CIMAP1D: variants seen among roughly 807,000 people sequenced by gnomAD.
CIMAP1D encodes CIMAP1 family member D, also known as protein CIMAP1D.
chr19:489,280 G>A, the CIMAP1D span: 1 of 151,730 alleles, frequency 6.6e-6, no homozygotes, highest in Non-Finnish European at 1.5e-5. Context: ...GGCCCCGACC[G>A]GGACCCCCTA....
At chr19:466,946 G>T in the CIMAP1D span, among the ~76,000 whole-genome samples, 113 of 54,854 alleles carry the variant, frequency 2.1e-3, 2 homozygotes, top group African/African-American at 0.011. Flanking sequence ...GGGTGGATGG[G>T]CGGGTGGATA....
chr19:482,182 T>C, the CIMAP1D span, among the ~76,000 whole-genome samples: 1 of 152,236 alleles, frequency 6.6e-6, no homozygotes, highest in Admixed American at 6.5e-5. Flanking sequence ...CATTTCTGCA[T>C]ATGAACATTA....
the CIMAP1D span, among the ~76,000 whole-genome samples, chr19:485,138 A>C: frequency 0.15 from 20,632 of 135,682 alleles, 2,668 homozygotes; most frequent in African/African-American, 0.36. Flanking sequence ...AACCCAGCGG[A>C]GGACCCTGCT....
At chr19:487,631 C>T in the CIMAP1D span, among the ~76,000 whole-genome samples, 3 of 152,180 alleles carry the variant, frequency 2.0e-5, 1 homozygote, top group East Asian at 5.8e-4. Context: ...GATCGCACCA[C>T]TGCGCTCCAG....
At chr19:467,575 G>A in the CIMAP1D span, 5 of 923,880 alleles carry the variant, frequency 5.4e-6, no homozygotes, top group African/African-American at 6.5e-5. Flanking sequence ...AGAGGGGGAG[G>A]GAGGACAGGG....
chr19:474,531 T>A, the CIMAP1D span: 7 of 1,279,206 alleles, frequency 5.5e-6, no homozygotes, highest in Non-Finnish European at 6.1e-6. Context: ...TCCTGCCTCC[T>A]GCTGGGCTCC....
At chr19:487,292 T>C in the CIMAP1D span, among the ~76,000 whole-genome samples, 1 of 152,154 alleles carries the variant, frequency 6.6e-6, no homozygotes. Context: ...GCGCTGCAAG[T>C]GAGGGCCTTT....
chr19:475,170 C>T, the CIMAP1D span, among the ~76,000 whole-genome samples: 4 of 152,220 alleles, frequency 2.6e-5, no homozygotes, highest in Non-Finnish European at 5.9e-5. Context: ...CCCGTTTCTA[C>T]ACCTGGGGAA....
chr19:489,879 C>T, the CIMAP1D span: 1 of 386,042 alleles, frequency 2.6e-6, no homozygotes, highest in Non-Finnish European at 4.6e-6. Flanking sequence ...AGAACCCTCC[C>T]AGCCAGGAGG....
At chr19:478,654 C>T in the CIMAP1D span, among the ~76,000 whole-genome samples, 1 of 152,260 alleles carries the variant, frequency 6.6e-6, no homozygotes, top group South Asian at 2.1e-4. Flanking sequence ...TGCAGATGAG[C>T]CCTGATTTTA....
the CIMAP1D span, among the ~76,000 whole-genome samples, chr19:486,536 G>C: frequency 2.0e-5 from 3 of 151,996 alleles, no homozygotes; most frequent in Non-Finnish European, 4.4e-5. Context: ...CGCCTGGTGG[G>C]TTCAGGCGAT....
At chr19:474,717 G>A in the CIMAP1D span, 69 of 1,547,560 alleles carry the variant, frequency 4.5e-5, 1 homozygote, top group South Asian at 2.1e-4. Context: ...GTGGCCAGCC[G>A]TGGGGTGGAG....
At chr19:465,297 TG>T in the CIMAP1D span, among the ~76,000 whole-genome samples, 2 of 134,526 alleles carry the variant, frequency 1.5e-5, no homozygotes, top group Admixed American at 7.3e-5. Context: ...AGTGGGTGGA[TG>T]GGGGATGGAT....
At chr19:485,346 G>A in the CIMAP1D span, among the ~76,000 whole-genome samples, 3 of 152,252 alleles carry the variant, frequency 2.0e-5, no homozygotes. Context: ...GTGGCGCCCT[G>A]GGCATCCCAA....
At chr19:471,765 CAG>C in the CIMAP1D span, among the ~76,000 whole-genome samples, 2 of 149,108 alleles carry the variant, frequency 1.3e-5, no homozygotes, top group African/African-American at 5.0e-5. Context: ...TTTTTAGAGA[CAG>C]AGTCTCACTC....
chr19:484,456 G>C, the CIMAP1D span, among the ~76,000 whole-genome samples: 1 of 152,096 alleles, frequency 6.6e-6, no homozygotes, highest in Non-Finnish European at 1.5e-5. Flanking sequence ...TTTTATTTTT[G>C]ACACAGGGTC....
At chr19:485,099 G>T in the CIMAP1D span, among the ~76,000 whole-genome samples, 1 of 151,980 alleles carries the variant, frequency 6.6e-6, no homozygotes, top group Non-Finnish European at 1.5e-5. Context: ...GAGAGGAGGG[G>T]AGGGTCCTGG....
the CIMAP1D span, among the ~76,000 whole-genome samples, chr19:484,729 G>A: frequency 6.6e-6 from 1 of 152,196 alleles, no homozygotes; most frequent in Non-Finnish European, 1.5e-5. Context: ...AGGCCAGGGT[G>A]GCTGCCGCAG....
the CIMAP1D span, among the ~76,000 whole-genome samples, chr19:465,063 ATGGATGGG>A: frequency 7.2e-6 from 1 of 139,530 alleles, no homozygotes; most frequent in Non-Finnish European, 1.6e-5. Flanking sequence ...TGATGGATGG[ATGGATGGG>A]TGGGTGGAAG....
Sources: allele counts gnomAD v4.1 joint callset (sites outside exome capture counted in the v4.1 genomes callset), GRCh38; gene constraint gnomAD v4.1.1; transcripts MANE v1.5; gene names NCBI Gene and HGNC (gene_info 2026-07-23, HGNC 2026-07-21).